The following TMEM17 variants were observed in gnomAD, a reference collection of about 807,000 sequenced individuals.
TMEM17 encodes the protein transmembrane protein 17.
A neutral mutation model predicts 19.1 loss-of-function variants in TMEM17; 15 were observed. The observed-to-expected ratio is 0.78, with a 90% CI of 0.52 to 1.21. TMEM17 has a LOEUF of 1.21. Among genes scored for constraint, TMEM17 ranks in the 50% most tolerant of loss-of-function variants. The pLI is 0.00. For synonymous variants in TMEM17, 103 were observed against 86.9 expected (o/e 1.19, Z -1.03); for missense variants, 245 against 242.3 (o/e 1.01, Z -0.07).
chr2:62,489,723 G>A, the TMEM17 span, among the ~76,000 whole-genome samples: 7 of 152,240 alleles, frequency 4.6e-5, no homozygotes, highest in South Asian at 2.1e-4. Context: ...AGCCTTAGGC[G>A]TTACTAAAAT....
the TMEM17 span, among the ~76,000 whole-genome samples, chr2:62,456,701 G>A: frequency 6.6e-6 from 1 of 152,234 alleles, no homozygotes. Context: ...TTCGGGGTTG[G>A]CTGGTCTTGA....
the TMEM17 span, among the ~76,000 whole-genome samples, chr2:62,486,935 G>A: frequency 3.0e-4 from 45 of 152,108 alleles, no homozygotes; most frequent in Non-Finnish European, 5.3e-4. Flanking sequence ...AGACACTGGG[G>A]GGTAAAGGGG....
At position 62,501,152 on chromosome 2, in the gene TMEM17, T is replaced by C; in HGVS notation, c.*57A>G. On this transcript the variant is annotated 3_prime_UTR_variant, in exon 4 of 4. Coordinates refer to ENST00000335390, the MANE Select transcript of TMEM17 (RefSeq NM_198276.3). The stretch of plus-strand genomic sequence containing the variant: ...CCCTTTTCTCAGAGCTCTGATATTT[T>C]CCTAACTCTTACAGTCTCTAGAATG... 4 of 1,550,418 alleles carry C rather than the reference T, an allele frequency of 2.6e-6. No homozygotes were observed. The highest frequency in any genetic ancestry group is 3.5e-6 in the Non-Finnish European group (4 of 1,145,008).
chr2:62,476,232 C>T, the TMEM17 span, among the ~76,000 whole-genome samples: 2 of 152,198 alleles, frequency 1.3e-5, no homozygotes, highest in African/African-American at 4.8e-5. Flanking sequence ...AAGGCTGGCT[C>T]CCTGCAGGTT....
chr2:62,489,252 T>C, the TMEM17 span, among the ~76,000 whole-genome samples: 1 of 152,242 alleles, frequency 6.6e-6, no homozygotes, highest in Non-Finnish European at 1.5e-5. Context: ...GTCTCAACGC[T>C]GTTTCCAGCA....
chr2:62,502,383 T>C (rs765239230), intron 3 of TMEM17, 54 bp downstream of exon 3: 4 of 1,301,154 alleles, frequency 3.1e-6, no homozygotes, highest in Non-Finnish European at 4.4e-6. Flanking sequence ...TTACTTGTTA[T>C]GAAAACTGAT....
the TMEM17 span, among the ~76,000 whole-genome samples, chr2:62,472,127 C>T: frequency 5.3e-5 from 8 of 152,180 alleles, no homozygotes; most frequent in Non-Finnish European, 7.3e-5. Flanking sequence ...GGAGGAATTT[C>T]GAGTTCTTTT....
At chr2:62,459,253 T>A in the TMEM17 span, among the ~76,000 whole-genome samples, 1 of 152,258 alleles carries the variant, frequency 6.6e-6, no homozygotes, top group Non-Finnish European at 1.5e-5. Flanking sequence ...GACTCAGCTC[T>A]TGAGGGCAGC....
chr2:62,461,072 G>C, the TMEM17 span, among the ~76,000 whole-genome samples: 2 of 152,212 alleles, frequency 1.3e-5, no homozygotes, highest in Non-Finnish European at 2.9e-5. Context: ...ATAACTTACA[G>C]AGTGTGTGTG....
the TMEM17 span, among the ~76,000 whole-genome samples, chr2:62,475,360 C>T: frequency 1.3e-5 from 2 of 152,236 alleles, no homozygotes; most frequent in Admixed American, 1.3e-4. Flanking sequence ...AGCGCCTCTT[C>T]GAGAGGGACC....
chr2:62,467,072 CTTTTT>C, the TMEM17 span, among the ~76,000 whole-genome samples: 2 of 151,788 alleles, frequency 1.3e-5, no homozygotes, highest in Non-Finnish European at 2.9e-5. Context: ...TTTGGTTTTT[CTTTTT>C]TTTAAGCTTT....
At chr2:62,479,222 C>T in the TMEM17 span, among the ~76,000 whole-genome samples, 1 of 152,142 alleles carries the variant, frequency 6.6e-6, no homozygotes, top group African/African-American at 2.4e-5. Flanking sequence ...ACTGTCTTTC[C>T]CCTACCCTTC....
chr2:62,463,866 G>A, the TMEM17 span: 1 of 152,192 alleles, frequency 6.6e-6, no homozygotes, highest in Non-Finnish European at 1.5e-5. Context: ...GAGAAGCAGC[G>A]GGACATCAGG....
the TMEM17 span, among the ~76,000 whole-genome samples, chr2:62,486,818 C>A: frequency 7.2e-5 from 11 of 152,138 alleles, no homozygotes. Context: ...ACTCAGGTAT[C>A]CCAGGGACAG....
downstream of TMEM17, among the ~76,000 whole-genome samples, chr2:62,499,775 C>G (rs576152828): frequency 2.6e-5 from 4 of 152,230 alleles, no homozygotes; most frequent in African/African-American, 9.6e-5. Flanking sequence ...TATGAAGGCC[C>G]ATTTCCCTAT....
At chr2:62,465,696 T>G in the TMEM17 span, among the ~76,000 whole-genome samples, 1 of 152,184 alleles carries the variant, frequency 6.6e-6, no homozygotes, top group Non-Finnish European at 1.5e-5. Flanking sequence ...GAAGTTTGTT[T>G]TAAAGCCCCA....
chr2:62,485,277 C>A, the TMEM17 span, among the ~76,000 whole-genome samples: 3 of 152,206 alleles, frequency 2.0e-5, no homozygotes, highest in Non-Finnish European at 2.9e-5. Context: ...GATGCCATTG[C>A]TGTAAAAGTG....
the TMEM17 span, among the ~76,000 whole-genome samples, chr2:62,477,913 C>T: frequency 1.3e-5 from 2 of 152,198 alleles, no homozygotes. Flanking sequence ...CATGTAGTGG[C>T]AGCTCCTGGA....
Position 62,502,515 on chromosome 2 carries a change from C to G in TMEM17, c.240G>C (p.Val80=), listed in dbSNP as rs1197955765. The part of the protein sequence containing the change: ...SILPDYYKFI[V]ITVIILITLI... The stretch of plus-strand genomic sequence containing the variant: ...AGGTTATTAGGATGATAACAGTGAT[C>G]ACAATGAATTTGTAGTAGTCAGGTA... The change falls in exon 3 of 4, where the codon GTG becomes GTC. Residue 80 remains valine, a synonymous_variant. Transcript: ENST00000335390. 2 of 1,612,276 alleles carry G rather than the reference C, an allele frequency of 1.2e-6. No homozygotes were observed. Among genetic ancestry groups the G allele is most frequent in the Non-Finnish European group, 1.7e-6 (2 of 1,178,980 alleles).
Sources: gnomAD v4.1 joint callset for allele counts (sites outside exome capture counted in the v4.1 genomes callset) on GRCh38, gnomAD v4.1.1 for gene constraint, MANE v1.5 for transcripts, NCBI Gene and HGNC (gene_info 2026-07-23, HGNC 2026-07-21) for gene names.